The following CNTN5 variants were observed in gnomAD, a reference collection of about 807,000 sequenced individuals.
CNTN5 encodes the protein contactin-5.
Under a neutral mutation model 129.1 loss-of-function variants are expected in CNTN5, and 77 were observed. That is an observed-to-expected ratio of 0.60 (90% confidence interval 0.50 to 0.72). CNTN5 has a LOEUF of 0.72. Ranked by LOEUF, CNTN5 falls within the 30% of genes least tolerant of loss-of-function variation. CNTN5 has a pLI of 0.00. For missense variants in CNTN5, 1,478 were observed against 1,328.8 expected, an observed-to-expected ratio of 1.11 and a Z score of -1.75; for synonymous variants, 509 against 465.6, an observed-to-expected ratio of 1.09 and a Z score of -1.20.
chr11:99,827,727 C>T (rs1455189205), intron 4 of CNTN5, among the ~76,000 whole-genome samples: 1 of 152,130 alleles, frequency 6.6e-6, no homozygotes, highest in Admixed American at 6.6e-5. Context: ...AACAGATTGG[C>T]TCTAAAAAGT....
At chr11:99,449,667 G>A (rs1004305745) in intron 2 of CNTN5, among the ~76,000 whole-genome samples, 4 of 152,138 alleles carry the variant, frequency 2.6e-5, no homozygotes, top group African/African-American at 9.7e-5. Flanking sequence ...TTAGATGGAG[G>A]GTCAGCTGGG....
Position 100,290,337 on chromosome 11 carries a change from C to T in CNTN5, c.2315-7288C>T, listed in dbSNP as rs1241768996. 1.4e-3 allele frequency among the ~76,000 whole-genome samples: 217 copies of T among 152,132 alleles called. 2 individuals are homozygous for T. Among genetic ancestry groups the T allele is most frequent in the Non-Finnish European group, 2.3e-3 (154 of 68,002 alleles). On this transcript the variant is annotated intron_variant, in intron 18 of 24. Transcript: ENST00000524871. ...CAAAAGAACAAAGCTAGAGGCATCA[C>T]ACTACCTGACTTCAAACTATACTAC...
At chr11:99,850,012 C>A (rs10894005) in intron 6 of CNTN5, among the ~76,000 whole-genome samples, 23,830 of 151,822 alleles carry the variant, frequency 0.16, 1,997 homozygotes, top group Non-Finnish European at 0.17. Context: ...ACCTATGTAA[C>A]AAAAATTAAT....
At chr11:99,757,001 G>T (rs1168578205) in intron 3 of CNTN5, among the ~76,000 whole-genome samples, 2 of 150,478 alleles carry the variant, frequency 1.3e-5, no homozygotes, top group African/African-American at 2.4e-5. Flanking sequence ...TTATACATGT[G>T]TCATATATAT....
At chr11:99,585,501 AT>A (rs1158359558) in intron 3 of CNTN5, among the ~76,000 whole-genome samples, 1 of 152,100 alleles carries the variant, frequency 6.6e-6, no homozygotes, top group South Asian at 2.1e-4. Context: ...ATTTAAAAAA[AT>A]ATATATATTT....
At chr11:99,362,839 G>A (rs571104321) in intron 2 of CNTN5, among the ~76,000 whole-genome samples, 45 of 152,160 alleles carry the variant, frequency 3.0e-4, no homozygotes, top group African/African-American at 1.1e-3. Flanking sequence ...TATGTGTAAA[G>A]TTTATTTCTA....
intron 1 of CNTN5, among the ~76,000 whole-genome samples, chr11:99,219,663 T>TA (rs11403866): frequency 0.57 from 82,975 of 144,452 alleles, 23,705 homozygotes; most frequent in East Asian, 0.86. Context: ...TGAGTAAGAT[T>TA]AAAAAAAAAA....
chr11:99,363,606 C>G (rs1012495884), intron 2 of CNTN5, among the ~76,000 whole-genome samples: 3 of 151,980 alleles, frequency 2.0e-5, no homozygotes, highest in Non-Finnish European at 4.4e-5. Flanking sequence ...AGAAGGCAAA[C>G]AGAAACAAGC....
chr11:99,419,674 G>C lies in CNTN5; in HGVS notation c.-71+94190G>C, dbSNP rs570728601. Reference sequence around the variant, plus strand: ...TAGTATCTTTTACTTACAGTAGATTGAGTTGTTCAGTAGGGCTGGAGTGGG... The same window carrying C: ...TAGTATCTTTTACTTACAGTAGATTCAGTTGTTCAGTAGGGCTGGAGTGGG... On this transcript the variant is annotated intron_variant, in intron 2 of 24. Coordinates refer to ENST00000524871, the MANE Select transcript of CNTN5 (RefSeq NM_014361.4). 9.2e-5 allele frequency among the ~76,000 whole-genome samples: 14 copies of C among 152,220 alleles called. No individual in the cohort carries two copies. In the South Asian group the frequency reaches 2.9e-3, roughly 32 times the overall value.
chr11:100,264,214 G>A (rs1177423146), intron 17 of CNTN5, among the ~76,000 whole-genome samples: 16 of 151,960 alleles, frequency 1.1e-4, no homozygotes, highest in Non-Finnish European at 2.4e-4. Context: ...TTGAATGCTA[G>A]AAATATTTTT....
At chr11:99,452,062 G>T (rs1426877094) in intron 2 of CNTN5, among the ~76,000 whole-genome samples, 2 of 151,910 alleles carry the variant, frequency 1.3e-5, no homozygotes, top group Non-Finnish European at 2.9e-5. Flanking sequence ...ATTTTTCATA[G>T]AACTTTAGAA....
At chr11:100,186,355 A>G (rs1948301612) in intron 13 of CNTN5, among the ~76,000 whole-genome samples, 1 of 152,168 alleles carries the variant, frequency 6.6e-6, no homozygotes, top group African/African-American at 2.4e-5. Flanking sequence ...AGCCTGGGTG[A>G]CAGAGCAAGA....
At chr11:100,334,572 T>C (rs1365115938) in intron 21 of CNTN5, among the ~76,000 whole-genome samples, 1 of 152,082 alleles carries the variant, frequency 6.6e-6, no homozygotes, top group Admixed American at 6.5e-5. Context: ...ATGTGGTATA[T>C]ACACCATGGA....
intron 1 of CNTN5, among the ~76,000 whole-genome samples, chr11:99,122,283 G>T (rs906138944): frequency 2.0e-5 from 3 of 152,072 alleles, no homozygotes; most frequent in Admixed American, 2.0e-4. Context: ...CCAAAAGGAA[G>T]ATATGTCTAA....
At chr11:100,049,335 C>T (rs1021407415) in intron 9 of CNTN5, among the ~76,000 whole-genome samples, 5 of 151,558 alleles carry the variant, frequency 3.3e-5, no homozygotes, top group East Asian at 3.9e-4. Flanking sequence ...AGATTCATAT[C>T]GCAAACTTTA....
chr11:99,294,850 CT>C (rs1864314974), intron 1 of CNTN5, among the ~76,000 whole-genome samples: 1 of 152,122 alleles, frequency 6.6e-6, no homozygotes, highest in African/African-American at 2.4e-5. Context: ...TCTGAAGTTG[CT>C]TTTTTCCCCT....
At chr11:99,135,580 G>A (rs1484721032) in intron 1 of CNTN5, among the ~76,000 whole-genome samples, 2 of 152,052 alleles carry the variant, frequency 1.3e-5, no homozygotes, top group Non-Finnish European at 2.9e-5. Context: ...GATTCTAAGT[G>A]CAATAGAAAG....
chr11:99,979,376 A>G (rs1413824868), intron 8 of CNTN5, among the ~76,000 whole-genome samples: 1 of 152,196 alleles, frequency 6.6e-6, no homozygotes, highest in Non-Finnish European at 1.5e-5. Flanking sequence ...CTGATGAAAG[A>G]AAAAGAGTTT....
intron 2 of CNTN5, among the ~76,000 whole-genome samples, chr11:99,492,228 C>T (rs943697792): frequency 1.3e-5 from 2 of 152,078 alleles, no homozygotes; most frequent in African/African-American, 2.4e-5. Context: ...GTTCATTCTT[C>T]GTTAAAAGTC....
Sources: gnomAD v4.1 joint callset for allele counts (sites outside exome capture counted in the v4.1 genomes callset) on GRCh38, gnomAD v4.1.1 for gene constraint, MANE v1.5 for transcripts, NCBI Gene and HGNC (gene_info 2026-07-23, HGNC 2026-07-21) for gene names.